LMCD1: variants seen among roughly 807,000 people sequenced by gnomAD.
The protein encoded by LMCD1 is LIM and cysteine-rich domains protein 1.
A neutral mutation model predicts 42.7 loss-of-function variants in LMCD1; 32 were observed. That is an observed-to-expected ratio of 0.75 (90% CI 0.57 to 1.01). The LOEUF (loss-of-function observed/expected upper bound fraction) is 1.01, where lower values mean the gene tolerates loss of function less well. LMCD1 is among the 50% of genes least tolerant of loss of function. The pLI is 0.00. For missense variants in LMCD1, 458 were observed against 483.1 expected (o/e 0.95, Z 0.49); for synonymous variants, 178 against 184.9 (o/e 0.96, Z 0.30).
chr3:8,533,014 G>A (rs1197825088), intron 2 of LMCD1, among the ~76,000 whole-genome samples, 189 bp downstream of exon 2: 6 of 152,068 alleles, frequency 3.9e-5, no homozygotes, highest in South Asian at 2.1e-4. Context: ...GGAGTGTGGC[G>A]GGGGCAGTAA....
intron 3 of LMCD1, among the ~76,000 whole-genome samples, chr3:8,545,610 A>C (rs1241679016): frequency 6.6e-6 from 1 of 152,282 alleles, no homozygotes. Flanking sequence ...CCAGGAGCCA[A>C]CTTCTTGCAT....
At chr3:8,559,526 C>A (rs1383844809) in intron 4 of LMCD1, among the ~76,000 whole-genome samples, 3 of 152,182 alleles carry the variant, frequency 2.0e-5, no homozygotes, top group Middle Eastern at 3.2e-3. Flanking sequence ...CAGCTATGAA[C>A]CCAGGCAGTC....
chr3:8,565,611 CGA>C lies in LMCD1; in HGVS notation c.907_908del (p.Leu304AlafsTer9). 1 of 1,611,128 alleles carries C rather than the reference CGA, an allele frequency of 6.2e-7. No homozygotes were observed. The highest frequency in any genetic ancestry group is 8.5e-7 in the Non-Finnish European group (1 of 1,178,922). Reference protein sequence around the residue: ...GAPWCGRHYCESLRPRCSGCD... With the variant: ...GAPWCGRHYCXSLRPRCSGCD... ...CACCCTGGTGCGGCCGCCATTACTGCGAGAGTCTGCGGCCCCGGTGCTCCGGC... is the reference window on the plus strand; with the variant it reads ...CACCCTGGTGCGGCCGCCATTACTGCGAGTCTGCGGCCCCGGTGCTCCGGC... On this transcript the variant is annotated frameshift_variant, in exon 5 of 6. Transcript: ENST00000157600. LOFTEE classifies it high-confidence loss of function.
chr3:8,547,471 G>A (rs189326570), intron 3 of LMCD1, among the ~76,000 whole-genome samples: 5 of 152,332 alleles, frequency 3.3e-5, no homozygotes, highest in Admixed American at 2.0e-4. Flanking sequence ...CTGTTACCAT[G>A]AGCCAATAAG....
chr3:8,538,228 A>G (rs1036887296), intron 3 of LMCD1, among the ~76,000 whole-genome samples: 2 of 152,212 alleles, frequency 1.3e-5, no homozygotes, highest in African/African-American at 2.4e-5. Context: ...ATGGGTAGAT[A>G]TCACCTGGGG....
chr3:8,550,909 G>A (rs970208191), intron 4 of LMCD1: 8 of 985,220 alleles, frequency 8.1e-6, no homozygotes, highest in South Asian at 9.4e-5. Flanking sequence ...ACTGAGCCTC[G>A]CATATTTGTT....
At chr3:8,534,942 T>C (rs1485644942) in intron 2 of LMCD1, among the ~76,000 whole-genome samples, 1 of 152,238 alleles carries the variant, frequency 6.6e-6, no homozygotes, top group Non-Finnish European at 1.5e-5. Context: ...CTGTTAACTT[T>C]TTTTTGTTTT....
intron 4 of LMCD1, 57 bp from the exon 5 acceptor site, chr3:8,565,375 A>T: frequency 1.3e-6 from 2 of 1,491,902 alleles, no homozygotes; most frequent in Non-Finnish European, 1.9e-6. Context: ...ATTCGAACCC[A>T]TGTCACTGTG....
Position 8,537,741 on chromosome 3 carries a change from GA to G in LMCD1, c.387+302del, listed in dbSNP as rs1246012252. ...TTGGGCTCCTCACTTCTGAACAGGAGATAGTTTATCACTCAAAATTCTGAGT... is the reference window on the plus strand; with the variant it reads ...TTGGGCTCCTCACTTCTGAACAGGAGTAGTTTATCACTCAAAATTCTGAGT... On this transcript the variant is annotated intron_variant, in intron 3 of 5. Transcript: ENST00000157600. Among the ~76,000 whole-genome samples the G allele has an allele frequency of 2.9e-4, 44 of 152,300 alleles. 1 individual carries two copies. The South Asian group carries it at 6.0e-3, about 21-fold the overall frequency.
At chr3:8,551,675 A>G (rs1470990476) in intron 4 of LMCD1, among the ~76,000 whole-genome samples, 1 of 152,186 alleles carries the variant, frequency 6.6e-6, no homozygotes, top group Non-Finnish European at 1.5e-5. Context: ...AAGGGTAGCT[A>G]GATAGGCTGA....
chr3:8,561,557 T>G (rs165177), intron 4 of LMCD1, among the ~76,000 whole-genome samples: 1 of 152,084 alleles, frequency 6.6e-6, no homozygotes, highest in Non-Finnish European at 1.5e-5. Context: ...AGCTTACTGA[T>G]GCCGGATCTC....
chr3:8,519,655 T>C (rs543187120), intron 1 of LMCD1, among the ~76,000 whole-genome samples: 1 of 151,038 alleles, frequency 6.6e-6, no homozygotes, highest in East Asian at 1.9e-4. Context: ...TACAATTAGA[T>C]CATTATGCAG....
At chr3:8,506,716 A>G (rs186952608) in intron 1 of LMCD1, among the ~76,000 whole-genome samples, 105 of 152,316 alleles carry the variant, frequency 6.9e-4, no homozygotes, top group African/African-American at 2.3e-3. Flanking sequence ...ATCCAACACC[A>G]TTTAAATCTT....
chr3:8,517,930 G>A (rs1370042128), intron 1 of LMCD1, among the ~76,000 whole-genome samples: 1 of 151,958 alleles, frequency 6.6e-6, no homozygotes, highest in East Asian at 1.9e-4. Context: ...AGGAACATGA[G>A]GTTTTATAAA....
At chr3:8,522,839 CA>C (rs753949309) in intron 1 of LMCD1, among the ~76,000 whole-genome samples, 8 of 152,234 alleles carry the variant, frequency 5.3e-5, no homozygotes, top group Admixed American at 2.0e-4. Context: ...GGGAATATAT[CA>C]TTTGTCATAG....
At chr3:8,553,212 A>G (rs1574971572) in intron 4 of LMCD1, among the ~76,000 whole-genome samples, 1 of 149,294 alleles carries the variant, frequency 6.7e-6, no homozygotes, top group Non-Finnish European at 1.5e-5. Context: ...CCACCCCCCG[A>G]CACACACACC....
At chr3:8,505,608 CA>C (rs1426030764) in intron 1 of LMCD1, among the ~76,000 whole-genome samples, 1 of 152,254 alleles carries the variant, frequency 6.6e-6, no homozygotes, top group African/African-American at 2.4e-5. Flanking sequence ...GTTGACTGTG[CA>C]GTCACCAGTG....
intron 1 of LMCD1, 72 bp from the exon 2 acceptor site, chr3:8,532,665 C>G: frequency 7.4e-7 from 1 of 1,342,624 alleles, no homozygotes; most frequent in Non-Finnish European, 1.1e-6. Context: ...CACGCCAAGT[C>G]TTTTAGAGGT....
intron 1 of LMCD1, among the ~76,000 whole-genome samples, chr3:8,506,985 CA>C (rs1238767276): frequency 6.6e-6 from 1 of 152,170 alleles, no homozygotes; most frequent in Non-Finnish European, 1.5e-5. Flanking sequence ...TCAGGACATC[CA>C]AAATGAAGAG....
Sources: gnomAD v4.1 joint callset for allele counts (sites outside exome capture counted in the v4.1 genomes callset) on GRCh38, gnomAD v4.1.1 for gene constraint, MANE v1.5 for transcripts, NCBI Gene and HGNC (gene_info 2026-07-23, HGNC 2026-07-21) for gene names.